Variants in DUSP14 observed in about 807,000 individuals in gnomAD.
DUSP14 encodes dual specificity protein phosphatase 14.
Under a neutral mutation model 13.2 loss-of-function variants are expected in DUSP14, and 5 were observed. That is an observed-to-expected ratio of 0.38 (90% CI 0.20 to 0.80). The LOEUF (loss-of-function observed/expected upper bound fraction) is 0.80, where lower values mean the gene tolerates loss of function less well. Ranked by LOEUF, DUSP14 falls within the 30% of genes least tolerant of loss-of-function variation. The pLI is 0.44. For synonymous variants in DUSP14, 91 were observed against 103.4 expected (o/e 0.88, Z 0.73); for missense variants, 185 against 264.0 (o/e 0.70, Z 2.07).
Position 37,493,204 on chromosome 17 carries a change from C to T in DUSP14, c.-181+3246C>T, listed in dbSNP as rs190437690. Among the ~76,000 whole-genome samples, 503 of 152,278 alleles carry T rather than the reference C, an allele frequency of 3.3e-3. 1 individual carries two copies. The highest frequency in any genetic ancestry group is 4.9e-3 in the Admixed American group (75 of 15,294). ...TCTTGAACTCCTGGGCTCAAGGGAT[C>T]CTCCTGCCTGGGCCTCCCAAAGTGC... On this transcript the variant is annotated intron_variant, in intron 1 of 2. Transcript: ENST00000617516.
upstream of DUSP14, among the ~76,000 whole-genome samples, chr17:37,489,448 G>T (rs2054009777): frequency 6.6e-6 from 1 of 152,186 alleles, no homozygotes; most frequent in Non-Finnish European, 1.5e-5. Context: ...GGAGGCGGTG[G>T]GGTGGGGTCG....
chr17:37,509,006 C>T (rs2054156081), intron 1 of DUSP14, among the ~76,000 whole-genome samples: 1 of 138,462 alleles, frequency 7.2e-6, no homozygotes, highest in Non-Finnish European at 1.5e-5. Flanking sequence ...ATCTACACAG[C>T]AGAGTACTTA....
chr17:37,499,799 G>A (rs2054093654), intron 1 of DUSP14, among the ~76,000 whole-genome samples: 1 of 152,178 alleles, frequency 6.6e-6, no homozygotes, highest in Non-Finnish European at 1.5e-5. Flanking sequence ...CAAAGTGCTA[G>A]GATTACAGGC....
At chr17:37,507,359 G>A (rs1485237051) in intron 1 of DUSP14, among the ~76,000 whole-genome samples, 1 of 152,194 alleles carries the variant, frequency 6.6e-6, no homozygotes, top group Non-Finnish European at 1.5e-5. Context: ...GCAGCACCAA[G>A]TACCCTAGCG....
chr17:37,489,291 G>A (rs1373985354), upstream of DUSP14, among the ~76,000 whole-genome samples: 5 of 152,228 alleles, frequency 3.3e-5, no homozygotes, highest in African/African-American at 1.2e-4. Context: ...AGAGCAGGTG[G>A]AGATGCGCAC....
Position 37,513,096 on chromosome 17 carries a change from G to T in DUSP14, c.*227G>T. On this transcript the variant is annotated 3_prime_UTR_variant, in exon 3 of 3. Transcript: ENST00000617516. ...ATTAACATTTTGGAATAGTGTTTAT[G>T]GAAATCTTTAGCTTTTAATCATTTT... The T allele has an allele frequency of 1.8e-6, 1 of 541,632 alleles. No homozygotes were observed. The highest frequency in any genetic ancestry group is 1.9e-5 in the African/African-American group (1 of 52,728). The allele number at this position is 541,632 out of a possible 1,614,324, so 33.6% of individuals were successfully genotyped here.
chr17:37,494,828 A>G (rs1400675190), intron 1 of DUSP14, among the ~76,000 whole-genome samples: 1 of 152,256 alleles, frequency 6.6e-6, no homozygotes, highest in Non-Finnish European at 1.5e-5. Context: ...GAAGAACACT[A>G]GCACAAAGAC....
chr17:37,509,285 A>AG (rs1381013845), intron 1 of DUSP14, among the ~76,000 whole-genome samples: 142 of 27,988 alleles, frequency 5.1e-3, no homozygotes, highest in Non-Finnish European at 7.6e-3. Flanking sequence ...ATATATATAT[A>AG]TATATATATA....
intron 1 of DUSP14, among the ~76,000 whole-genome samples, chr17:37,496,773 G>A (rs1267197509): frequency 1.3e-5 from 2 of 151,738 alleles, no homozygotes; most frequent in Non-Finnish European, 2.9e-5. Flanking sequence ...AAAATTAGCC[G>A]GGTGTGGTGG....
Position 37,512,133 on chromosome 17 carries a change from G to A in DUSP14, c.-92-48G>A, listed in dbSNP as rs1026903198. On this transcript the variant is annotated intron_variant, in intron 2 of 2. Coordinates refer to ENST00000617516, the MANE Select transcript of DUSP14 (RefSeq NM_007026.4). This position sits in a 1 kb window ranked among gnomAD's most constrained non-coding sequence, Gnocchi z 4.8. ...TTTGACAAATGTGACAGAAGGCTGT[G>A]ATGAATCAGTAGCATTTAAAGTACT... is the stretch of plus-strand genomic sequence containing the variant. The A allele has an allele frequency of 9.0e-6, 6 of 664,982 alleles. No individual in the cohort carries two copies. Among genetic ancestry groups the A allele is most frequent in the African/African-American group, 9.0e-5 (5 of 55,760 alleles). 41.2% of individuals were successfully genotyped at this position (664,982 alleles called of 1,614,324 possible). A position where few individuals can be genotyped will look rare whatever the true frequency, so the allele number is the denominator to read the frequency against.
At chr17:37,497,136 A>G (rs1212363981) in intron 1 of DUSP14, among the ~76,000 whole-genome samples, 2 of 151,038 alleles carry the variant, frequency 1.3e-5, no homozygotes, top group Non-Finnish European at 3.0e-5. Context: ...TTAAATATCA[A>G]TTTTACTTCA....
intron 1 of DUSP14, among the ~76,000 whole-genome samples, chr17:37,509,284 TATATATATATATA>T (rs1366391000): frequency 0.029 from 840 of 28,970 alleles, 16 homozygotes; most frequent in Middle Eastern, 0.13. Context: ...TATATATATA[TATATATATATATA>T]GTGTGTGTGT....
chr17:37,504,791 G>A lies in DUSP14; in HGVS notation c.-180-5886G>A, dbSNP rs558261756. ...AGACAGGGTCTCATTACGTTGCCCC[G>A]GCTGGTCTTAAACTCTTGGGTTTAA... On this transcript the variant is annotated intron_variant, in intron 1 of 2. Transcript: ENST00000617516. Among the ~76,000 whole-genome samples the A allele has an allele frequency of 8.5e-5, 13 of 152,208 alleles. 1 individual carries two copies. Among genetic ancestry groups the A allele is most frequent in the Admixed American group, 3.9e-4 (6 of 15,282 alleles).
intron 1 of DUSP14, among the ~76,000 whole-genome samples, chr17:37,492,238 TA>T (rs35019901): frequency 5.3e-5 from 8 of 150,652 alleles, no homozygotes; most frequent in African/African-American, 1.2e-4. Flanking sequence ...CTTTCCTATT[TA>T]AAAAAAAAAT....
chr17:37,498,629 A>G (rs1329519741), intron 1 of DUSP14, among the ~76,000 whole-genome samples: 1 of 150,654 alleles, frequency 6.6e-6, no homozygotes, highest in Non-Finnish European at 1.5e-5. Flanking sequence ...CCCGGCCTAG[A>G]TTGTATCTTA....
At chr17:37,509,141 A>ATATATATATGTATG (rs1568204483) in intron 1 of DUSP14, among the ~76,000 whole-genome samples, 1 of 65,982 alleles carries the variant, frequency 1.5e-5, no homozygotes, top group Non-Finnish European at 2.7e-5. Flanking sequence ...ACACACACAC[A>ATATATATATGTATG]CACACACACA....
intron 1 of DUSP14, among the ~76,000 whole-genome samples, chr17:37,502,167 CA>C (rs1218051423): frequency 6.6e-6 from 1 of 151,866 alleles, no homozygotes; most frequent in African/African-American, 2.4e-5. Flanking sequence ...GCTTATCAAA[CA>C]AAACTTGTTT....
intron 1 of DUSP14, among the ~76,000 whole-genome samples, chr17:37,490,619 CCAGCCAGTGTTAT>C (rs1159579872): frequency 6.6e-6 from 1 of 152,032 alleles, no homozygotes; most frequent in Non-Finnish European, 1.5e-5. Flanking sequence ...GCCAGTGGTA[CCAGCCAGTGTTAT>C]GGTAACTGGG....
intron 1 of DUSP14, among the ~76,000 whole-genome samples, chr17:37,493,528 G>T (rs1303538738): frequency 6.6e-6 from 1 of 152,116 alleles, no homozygotes; most frequent in Non-Finnish European, 1.5e-5. Context: ...ATGAATAAAG[G>T]TCCCTGGGTA....
Sources: allele counts gnomAD v4.1 joint callset (sites outside exome capture counted in the v4.1 genomes callset), GRCh38; gene constraint gnomAD v4.1.1; non-coding constraint Gnocchi (gnomAD v3.1); transcripts MANE v1.5; gene names NCBI Gene and HGNC (gene_info 2026-07-23, HGNC 2026-07-21).